Variants in INPP4A observed in about 807,000 individuals in gnomAD.
The protein encoded by INPP4A is inositol polyphosphate-4-phosphatase, type I, 107kD.
In INPP4A, 33 loss-of-function variants were observed where a neutral mutation model predicts 119.8. That is an observed-to-expected ratio of 0.28 (90% CI 0.21 to 0.37). INPP4A has a LOEUF of 0.37. Ranked by LOEUF, INPP4A falls within the 10% of genes least tolerant of loss-of-function variation. INPP4A has a pLI of 1.00. For synonymous variants in INPP4A, 496 were observed against 500.7 expected (o/e 0.99, Z 0.12); for missense variants, 956 against 1,289.9 (o/e 0.74, Z 3.97).
intron 1 of INPP4A, among the ~76,000 whole-genome samples, chr2:98,466,929 T>C (rs1281443257): frequency 6.6e-6 from 1 of 152,208 alleles, no homozygotes; most frequent in Non-Finnish European, 1.5e-5. Flanking sequence ...TCTTAGTCTG[T>C]TTTGTGCTGC....
chr2:98,471,372 G>T (rs904535465), intron 1 of INPP4A, among the ~76,000 whole-genome samples: 20 of 152,160 alleles, frequency 1.3e-4, no homozygotes, highest in Admixed American at 1.0e-3. Context: ...TGGCAATCTC[G>T]CAAAGCTATC....
chr2:98,551,978 G>A (rs1279030584), intron 13 of INPP4A, among the ~76,000 whole-genome samples: 1 of 152,208 alleles, frequency 6.6e-6, no homozygotes, highest in Non-Finnish European at 1.5e-5. Flanking sequence ...AGGATGTGAA[G>A]TTGGTCTTTC....
At chr2:98,461,494 A>G (rs1697149716) in intron 1 of INPP4A, among the ~76,000 whole-genome samples, 1 of 152,236 alleles carries the variant, frequency 6.6e-6, no homozygotes, top group South Asian at 2.1e-4. Flanking sequence ...GAGACTTCTC[A>G]AAAACCTCCC....
At chr2:98,468,929 G>A (rs977045755) in intron 1 of INPP4A, among the ~76,000 whole-genome samples, 1 of 140,224 alleles carries the variant, frequency 7.1e-6, no homozygotes, top group Non-Finnish European at 1.5e-5. Context: ...GCAGAGCAGA[G>A]ATGAGTCAAC....
intron 1 of INPP4A, among the ~76,000 whole-genome samples, chr2:98,482,131 C>T (rs1360565739): frequency 6.6e-6 from 1 of 152,214 alleles, no homozygotes; most frequent in East Asian, 1.9e-4. Context: ...ATTTTTTAAA[C>T]TTGAAATTTA....
chr2:98,476,868 C>T lies in INPP4A; in HGVS notation c.-166+31783C>T, dbSNP rs3754887. ...TAACCTTCTTCAAGGCCTTGTTTGC[C>T]GTTATAAGTGTTCCCTGTTCTCTGG... On this transcript the variant is annotated intron_variant, in intron 1 of 24. Transcript: ENST00000409851. Among the ~76,000 whole-genome samples the T allele has an allele frequency of 2.6e-4, 40 of 152,272 alleles. No homozygotes were observed. The East Asian group carries it at 7.3e-3, about 28-fold the overall frequency.
intron 24 of INPP4A, among the ~76,000 whole-genome samples, chr2:98,579,691 A>G (rs950529703): frequency 1.3e-5 from 2 of 152,228 alleles, no homozygotes; most frequent in African/African-American, 4.8e-5. Flanking sequence ...GGGCCTGGCA[A>G]AGGGAAGGCC....
chr2:98,585,866 G>A (rs922208260), intron 24 of INPP4A, among the ~76,000 whole-genome samples: 1 of 152,108 alleles, frequency 6.6e-6, no homozygotes, highest in Non-Finnish European at 1.5e-5. Context: ...ATTCTGCCTC[G>A]CTCCTCACGG....
intron 21 of INPP4A, among the ~76,000 whole-genome samples, chr2:98,567,520 A>T (rs929228926): frequency 1.7e-4 from 26 of 152,242 alleles, no homozygotes; most frequent in African/African-American, 5.5e-4. Flanking sequence ...GGCCCAGGGG[A>T]GGGAAAATGA....
intron 1 of INPP4A, among the ~76,000 whole-genome samples, chr2:98,446,475 G>C (rs1022902349): frequency 3.3e-5 from 5 of 151,932 alleles, no homozygotes; most frequent in Admixed American, 6.6e-5. Context: ...TCTGTCCCAG[G>C]GGTGGCGTTG....
rs760796619 is a variant in INPP4A, at chr2:98,533,447, C to A, written c.222C>A (p.Thr74=). ...GTTTTGTTGCGGTGAGTGTCACCAC[C>A]CCTCCTCAGGCATTCTGGACGAAGC... is the stretch of plus-strand genomic sequence containing the variant. The part of the protein sequence containing the change: ...PNSFVAVSVT[T]PPQAFWTKHA... Residue 74 remains threonine, a synonymous_variant, in exon 5 of 25, where the codon ACC becomes ACA. Coordinates refer to ENST00000409851, the MANE Select transcript of INPP4A (RefSeq NM_001134225.2). The A allele has an allele frequency of 6.2e-6, 10 of 1,613,544 alleles. No individual in the cohort carries two copies. In the South Asian group the frequency reaches 1.1e-4, roughly 18 times the overall value.
At chr2:98,454,277 A>T (rs1256089794) in intron 1 of INPP4A, among the ~76,000 whole-genome samples, 1 of 152,224 alleles carries the variant, frequency 6.6e-6, no homozygotes, top group East Asian at 1.9e-4. Flanking sequence ...CACTGTCAGG[A>T]CAGTTCCCAA....
intron 1 of INPP4A, among the ~76,000 whole-genome samples, chr2:98,497,165 T>G (rs1157003508): frequency 6.6e-6 from 1 of 152,260 alleles, no homozygotes; most frequent in Non-Finnish European, 1.5e-5. Flanking sequence ...AGCCTCAACC[T>G]TGGCAGCTTC....
chr2:98,467,553 G>A lies in INPP4A; in HGVS notation c.-166+22468G>A, dbSNP rs183907032. On this transcript the variant is annotated intron_variant, in intron 1 of 24. Coordinates refer to ENST00000409851, the MANE Select transcript of INPP4A (RefSeq NM_001134225.2). ...AGGTCCAGTGAACCTAGCATCATCA[G>A]TGTCCTTTGCCCTTGGAACTGAGTG... Among the ~76,000 whole-genome samples the A allele has an allele frequency of 1.0e-3, 153 of 152,368 alleles. 1 individual carries two copies. Among genetic ancestry groups the A allele is most frequent in the African/African-American group, 3.2e-3 (133 of 41,580 alleles).
intron 13 of INPP4A, among the ~76,000 whole-genome samples, chr2:98,551,036 GCCTCAAACT>G (rs1693423880): frequency 6.6e-6 from 1 of 151,898 alleles, no homozygotes; most frequent in African/African-American, 2.4e-5. Flanking sequence ...ACTCACTACA[GCCTCAAACT>G]CCTGGGCTCA....
intron 5 of INPP4A, among the ~76,000 whole-genome samples, chr2:98,534,609 T>C (rs550765545): frequency 1.3e-5 from 2 of 152,304 alleles, no homozygotes; most frequent in East Asian, 3.9e-4. Flanking sequence ...GGAAGGATCA[T>C]GCAGGTTTGG....
chr2:98,568,919 C>A, intron 22 of INPP4A: 1 of 427,102 alleles, frequency 2.3e-6, no homozygotes, highest in South Asian at 2.9e-5. Flanking sequence ...CTGTCGTAGT[C>A]ACTGACACAA....
intron 16 of INPP4A, among the ~76,000 whole-genome samples, chr2:98,558,940 A>G (rs1240495393): frequency 1.3e-5 from 2 of 152,154 alleles, no homozygotes; most frequent in Non-Finnish European, 2.9e-5. Context: ...TTTTTTTGGT[A>G]TACTGGTTTC....
chr2:98,574,580 G>C (rs1698092676), intron 23 of INPP4A, among the ~76,000 whole-genome samples: 1 of 151,256 alleles, frequency 6.6e-6, no homozygotes, highest in Non-Finnish European at 1.5e-5. Context: ...GGAGGTTGCA[G>C]TAAGCCGAAA....
Sources: allele counts gnomAD v4.1 joint callset (sites outside exome capture counted in the v4.1 genomes callset), GRCh38; gene constraint gnomAD v4.1.1; transcripts MANE v1.5; gene names NCBI Gene and HGNC (gene_info 2026-07-23, HGNC 2026-07-21).